Variants in UBE2O observed in about 807,000 individuals in gnomAD.
The protein encoded by UBE2O is (E3-independent) E2 ubiquitin-conjugating enzyme.
Under a neutral mutation model 125.8 loss-of-function variants are expected in UBE2O, and 15 were observed. The observed-to-expected ratio is 0.12, with a 90% CI of 0.08 to 0.18. UBE2O has a LOEUF of 0.18. Among genes scored for constraint, UBE2O ranks in the 10% least tolerant of loss-of-function variants. The probability of loss-of-function intolerance (pLI) is 1.00; values close to 1 mark genes in which losing one functional copy is unlikely to be tolerated. For missense variants in UBE2O, 1,280 were observed against 1,723.6 expected (o/e 0.74, Z 4.56); for synonymous variants, 708 against 703.2 (o/e 1.01, Z -0.11).
chr17:76,448,585 G>T (rs947644083), intron 1 of UBE2O, among the ~76,000 whole-genome samples: 2 of 152,236 alleles, frequency 1.3e-5, no homozygotes, highest in African/African-American at 4.8e-5. Flanking sequence ...CAAACCTGGT[G>T]AAACCCTGAA....
intron 1 of UBE2O, among the ~76,000 whole-genome samples, chr17:76,416,045 A>G (rs890720217): frequency 5.9e-5 from 9 of 152,000 alleles, no homozygotes; most frequent in African/African-American, 1.7e-4. Context: ...ATGTGTGTGT[A>G]CATATGTACA....
intron 1 of UBE2O, among the ~76,000 whole-genome samples, chr17:76,434,571 G>A (rs2072955579): frequency 6.6e-6 from 1 of 152,082 alleles, no homozygotes; most frequent in Non-Finnish European, 1.5e-5. Context: ...TCGTCCTGGG[G>A]AAAGGCAACA....
At chr17:76,431,805 A>C (rs997497161) in intron 1 of UBE2O, among the ~76,000 whole-genome samples, 4 of 152,228 alleles carry the variant, frequency 2.6e-5, no homozygotes, top group Admixed American at 6.5e-5. Context: ...AAATTTTAAA[A>C]AGAACAGCTC....
At chr17:76,443,023 T>A (rs2073098613) in intron 1 of UBE2O, among the ~76,000 whole-genome samples, 1 of 152,162 alleles carries the variant, frequency 6.6e-6, no homozygotes, top group Non-Finnish European at 1.5e-5. Flanking sequence ...TTGAGAAGAT[T>A]CAAGCTTAGG....
intron 15 of UBE2O, among the ~76,000 whole-genome samples, chr17:76,393,391 C>T (rs192697190): frequency 3.7e-4 from 56 of 151,788 alleles, no homozygotes; most frequent in East Asian, 3.6e-3. Context: ...AGTCTCCTCA[C>T]GCCCGGCTAA....
At chr17:76,434,349 G>A (rs2072951093) in intron 1 of UBE2O, among the ~76,000 whole-genome samples, 1 of 152,176 alleles carries the variant, frequency 6.6e-6, no homozygotes, top group African/African-American at 2.4e-5. Context: ...AGGAAAGTGA[G>A]AGGGGCAAGG....
At chr17:76,409,641 T>C (rs1447109381) in intron 1 of UBE2O, among the ~76,000 whole-genome samples, 3 of 147,572 alleles carry the variant, frequency 2.0e-5, no homozygotes, top group Non-Finnish European at 4.5e-5. Context: ...TGACCTGCCC[T>C]CCTCAGCCTC....
intron 1 of UBE2O, among the ~76,000 whole-genome samples, chr17:76,451,509 C>A (rs2073242805): frequency 6.6e-6 from 1 of 152,176 alleles, no homozygotes; most frequent in Non-Finnish European, 1.5e-5. Flanking sequence ...GGAAATGGAT[C>A]ATGTGCTCTT....
At chr17:76,406,162 G>A (rs1386094126) in intron 1 of UBE2O, among the ~76,000 whole-genome samples, 1 of 152,240 alleles carries the variant, frequency 6.6e-6, no homozygotes, top group East Asian at 1.9e-4. Flanking sequence ...GTAACCCTCA[G>A]GATGGTTGGC....
Position 76,452,773 on chromosome 17 carries a change from G to A in UBE2O, c.369C>T (p.Arg123=). ...RASPLRRGYV[R]VQWYPEGVKQ... is the part of the protein sequence containing the mutation. ...TGACGCCCTCCGGGTACCACTGGAC[G>A]CGCACGTAGCCGCGGCGCAGGGGGC... Residue 123 remains arginine (R), a synonymous_variant, in exon 1 of 18, where the codon CGC becomes CGT. Transcript: ENST00000319380. The surrounding 1 kb of genome is among the most constrained non-coding windows in gnomAD (Gnocchi z 4.4). 1 of 1,520,264 alleles carries A rather than the reference G, an allele frequency of 6.6e-7. No homozygotes were observed. The highest frequency in any genetic ancestry group is 8.8e-7 in the Non-Finnish European group (1 of 1,141,886). 94.2% of individuals were successfully genotyped at this position (1,520,264 alleles called of 1,614,324 possible). A position where few individuals can be genotyped will look rare whatever the true frequency, so the allele number is the denominator to read the frequency against.
chr17:76,401,129 C>T lies in UBE2O; in HGVS notation c.776G>A (p.Gly259Asp). ...AATGAGCACCTGGCCTGGGTAGAAG[C>T]CATAGGAATCATCGAAGAAGAGACC... ...DSGLFFDDSY[G>D]FYPGQVLIGP... Residue 259 changes from glycine (G) to aspartate (D), a missense_variant, in exon 6 of 18, where the codon GGC becomes GAC. Around this residue, in one of 10 missense-constraint regions of UBE2O, gnomAD observed 206 missense variants for 315.7 expected, o/e 0.65. Coordinates refer to ENST00000319380, the MANE Select transcript of UBE2O (RefSeq NM_022066.4). 6.2e-7 allele frequency: 1 copy of T among 1,613,770 alleles called. No individual in the cohort carries two copies. Among genetic ancestry groups the T allele is most frequent in the Non-Finnish European group, 8.5e-7 (1 of 1,180,006 alleles).
chr17:76,401,952 CCT>C, intron 5 of UBE2O, 110 bp downstream of exon 5: 1 of 1,072,848 alleles, frequency 9.3e-7, no homozygotes, highest in South Asian at 1.6e-5. Context: ...CGCACCCGCC[CCT>C]TTTCTAGGAA....
At chr17:76,450,340 T>A (rs1316884085) in intron 1 of UBE2O, among the ~76,000 whole-genome samples, 1 of 152,102 alleles carries the variant, frequency 6.6e-6, no homozygotes, top group African/African-American at 2.4e-5. Context: ...GTCACCTGTA[T>A]CTATAGCTCA....
chr17:76,402,155 C>T lies in UBE2O; in HGVS notation c.687-28G>A. Reference sequence around the variant, plus strand: ...AAAACAGAGAACAGAGGTTTGGTCTCCACCAGGGGACACAGTGAGTACCAA... The same window carrying T: ...AAAACAGAGAACAGAGGTTTGGTCTTCACCAGGGGACACAGTGAGTACCAA... On this transcript the variant is annotated intron_variant, in intron 4 of 17. Coordinates refer to ENST00000319380, the MANE Select transcript of UBE2O (RefSeq NM_022066.4). This position sits in a 1 kb window ranked among gnomAD's most constrained non-coding sequence, Gnocchi z 5.4. The T allele has an allele frequency of 1.2e-6, 2 of 1,610,518 alleles. No homozygotes were observed. Among genetic ancestry groups the T allele is most frequent in the South Asian group, 1.1e-5 (1 of 90,656 alleles).
chr17:76,440,170 A>G (rs2143887977), intron 1 of UBE2O, among the ~76,000 whole-genome samples: 1 of 152,342 alleles, frequency 6.6e-6, no homozygotes, highest in East Asian at 1.9e-4. Context: ...TCTCTCTCCT[A>G]TCTAAGTCTC....
At position 76,396,747 on chromosome 17, in the gene UBE2O, G is replaced by A; in HGVS notation, c.2190C>T (p.Ser730=). The change falls in exon 14 of 18, where the codon TCC becomes TCT. Residue 730 remains serine, a synonymous_variant. Transcript: ENST00000319380. This position sits in a 1 kb window ranked among gnomAD's most constrained non-coding sequence, Gnocchi z 6.7. ...CACTATCATCTTCCCATTCATCCGA[G>A]GATGCCCCGCTGGTGCTGCCTTCTA... The part of the protein sequence containing the change: ...DSVEGSTSGA[S]SDEWEDDSDS... 2 of 1,613,954 alleles carry A rather than the reference G, an allele frequency of 1.2e-6. No homozygotes were observed. The highest frequency in any genetic ancestry group is 1.1e-5 in the South Asian group (1 of 91,074).
In UBE2O at chr17:76,396,384, C is replaced by A. The variant is rs1263079684; in HGVS notation, c.2553G>T (p.Lys851Asn). The stretch of plus-strand genomic sequence containing the variant: ...GCTTCTTGATGTCATCCAGAAACTT[C>A]TTCTCCCGAGTTGGCTTCTCAGGCT... ...TVEPEKPTRE[K>N]KFLDDIKKLQ... The change falls in exon 14 of 18, where the codon AAG (lysine) becomes AAT (asparagine). Residue 851 changes from lysine to asparagine, a missense_variant. Lys to Asn is a moderately conservative substitution (Grantham distance 94, BLOSUM62 0). Coordinates refer to ENST00000319380, the MANE Select transcript of UBE2O (RefSeq NM_022066.4). This position sits in a 1 kb window ranked among gnomAD's most constrained non-coding sequence, Gnocchi z 6.7. 1 of 1,614,228 alleles carries A rather than the reference C, an allele frequency of 6.2e-7. No homozygotes were observed. The highest frequency in any genetic ancestry group is 1.7e-5 in the Admixed American group (1 of 60,032).
At chr17:76,426,690 AAGAGTGTGTTCATTCAAATCACCCC>A (rs1300355728) in intron 1 of UBE2O, among the ~76,000 whole-genome samples, 2 of 152,228 alleles carry the variant, frequency 1.3e-5, no homozygotes, top group African/African-American at 4.8e-5. Flanking sequence ...CAAAGAACTT[AAGAGTGTGTTCATTCAAATCACCCC>A]CTCACTGATT....
In UBE2O at chr17:76,450,556, T is replaced by C. The variant is rs953052786; in HGVS notation, c.417+2169A>G. On this transcript the variant is annotated intron_variant, in intron 1 of 17. Coordinates refer to ENST00000319380, the MANE Select transcript of UBE2O (RefSeq NM_022066.4). ...GAGCCACAAAACGGATTTCAACAAA[T>C]TCAAAGCAAGTCACAGGAGGCCAGC... Among the ~76,000 whole-genome samples, 4 of 151,848 alleles carry C rather than the reference T, an allele frequency of 2.6e-5. No homozygotes were observed. In the East Asian group the frequency reaches 7.7e-4, roughly 29 times the overall value.
Sources: gnomAD v4.1 joint callset for allele counts (sites outside exome capture counted in the v4.1 genomes callset) on GRCh38, gnomAD v4.1.1 for gene constraint, gnomAD v4.1.1 regional missense constraint, Gnocchi (gnomAD v3.1) non-coding constraint, MANE v1.5 for transcripts, NCBI Gene and HGNC (gene_info 2026-07-23, HGNC 2026-07-21) for gene names.